The following NCKAP5 variants were observed in gnomAD, a reference collection of about 807,000 sequenced individuals.
The protein encoded by NCKAP5 is nck-associated protein 5.
In NCKAP5, 92 loss-of-function variants were observed where a neutral mutation model predicts 167.0. The observed-to-expected ratio is 0.55, with a 90% CI of 0.47 to 0.66. NCKAP5 has a LOEUF of 0.66. Ranked by LOEUF, NCKAP5 falls within the 30% of genes least tolerant of loss-of-function variation. The pLI is 0.00. For synonymous variants in NCKAP5, 891 were observed against 877.4 expected (o/e 1.02, Z -0.27); for missense variants, 2,378 against 2,315.0 (o/e 1.03, Z -0.56).
chr2:133,142,584 T>C (rs113735819), intron 5 of NCKAP5, among the ~76,000 whole-genome samples: 3,028 of 152,258 alleles, frequency 0.02, 39 homozygotes, highest in Non-Finnish European at 0.029. Context: ...CTGGAAGGCT[T>C]TGTCAGACTT....
chr2:133,019,290 A>G (rs1427414819), intron 6 of NCKAP5, among the ~76,000 whole-genome samples: 12 of 152,156 alleles, frequency 7.9e-5, no homozygotes, highest in Non-Finnish European at 1.5e-5. Context: ...AGTTTATCAG[A>G]TTTTTCTTAA....
chr2:133,199,797 A>C (rs1299762300), intron 5 of NCKAP5, among the ~76,000 whole-genome samples: 1 of 152,036 alleles, frequency 6.6e-6, no homozygotes, highest in Non-Finnish European at 1.5e-5. Flanking sequence ...CATACCAGCC[A>C]AAAATTGGAA....
intron 3 of NCKAP5, among the ~76,000 whole-genome samples, chr2:133,371,917 C>T (rs979072253): frequency 1.1e-4 from 16 of 152,232 alleles, no homozygotes; most frequent in African/African-American, 3.9e-4. Context: ...TGTATGACTT[C>T]AACAAATGCC....
intron 19 of NCKAP5, among the ~76,000 whole-genome samples, chr2:132,700,290 T>G (rs1687756224): frequency 6.6e-6 from 1 of 152,232 alleles, no homozygotes; most frequent in African/African-American, 2.4e-5. Context: ...TTCACTCTGA[T>G]GGTAGTTTCT....
At chr2:132,767,363 C>T (rs1203025959) in intron 16 of NCKAP5, among the ~76,000 whole-genome samples, 1 of 152,190 alleles carries the variant, frequency 6.6e-6, no homozygotes, top group East Asian at 1.9e-4. Flanking sequence ...TCTCCTGCCT[C>T]AGCTTCCAGA....
intron 3 of NCKAP5, among the ~76,000 whole-genome samples, chr2:133,390,713 G>A (rs556776822): frequency 4.0e-4 from 61 of 152,164 alleles, no homozygotes; most frequent in Admixed American, 1.9e-3. Flanking sequence ...AAAAATAGAC[G>A]CCTATGTAGA....
chr2:133,276,063 C>G (rs570711674), intron 4 of NCKAP5, among the ~76,000 whole-genome samples: 2 of 151,980 alleles, frequency 1.3e-5, no homozygotes, highest in Admixed American at 1.3e-4. Context: ...CCTCCTCAGC[C>G]CATTTACTGT....
At chr2:133,485,047 C>A (rs951635665) in intron 3 of NCKAP5, among the ~76,000 whole-genome samples, 1 of 152,166 alleles carries the variant, frequency 6.6e-6, no homozygotes, top group Non-Finnish European at 1.5e-5. Flanking sequence ...GTAGTATATG[C>A]CTATCATTCC....
chr2:133,478,360 T>C (rs1372675558), intron 3 of NCKAP5, among the ~76,000 whole-genome samples: 3 of 152,344 alleles, frequency 2.0e-5, no homozygotes, highest in African/African-American at 7.2e-5. Flanking sequence ...CAATGATCTT[T>C]GTTTTCTTTG....
intron 16 of NCKAP5, among the ~76,000 whole-genome samples, chr2:132,772,836 C>T (rs894512236): frequency 2.6e-5 from 4 of 152,212 alleles, no homozygotes; most frequent in Admixed American, 2.0e-4. Flanking sequence ...TGCACAAGAC[C>T]GCTGAGTATG....
intron 3 of NCKAP5, among the ~76,000 whole-genome samples, chr2:133,512,184 G>A (rs1048467984): frequency 1.3e-5 from 2 of 152,108 alleles, no homozygotes; most frequent in East Asian, 3.8e-4. Flanking sequence ...AAAAGTATCC[G>A]CAAGGCTGAA....
the NCKAP5 span, among the ~76,000 whole-genome samples, chr2:133,598,343 G>A: frequency 6.6e-6 from 1 of 152,134 alleles, no homozygotes; most frequent in Non-Finnish European, 1.5e-5. Context: ...AAGATCCTGG[G>A]GAAAACTCAA....
At chr2:133,639,322 C>T in the NCKAP5 span, among the ~76,000 whole-genome samples, 2 of 152,108 alleles carry the variant, frequency 1.3e-5, no homozygotes, top group South Asian at 4.2e-4. Context: ...TAGGTATAGG[C>T]CCTTAAAAAC....
intron 3 of NCKAP5, among the ~76,000 whole-genome samples, chr2:133,444,073 T>C (rs1293765271): frequency 2.0e-5 from 3 of 152,194 alleles, no homozygotes; most frequent in African/African-American, 4.8e-5. Context: ...GTTTGCTGTA[T>C]TGTCTAAAAT....
chr2:133,151,630 T>C (rs1285709629), intron 5 of NCKAP5, among the ~76,000 whole-genome samples: 1 of 152,190 alleles, frequency 6.6e-6, no homozygotes, highest in African/African-American at 2.4e-5. Flanking sequence ...CAAATGCTGA[T>C]GAGGACCTGG....
chr2:132,894,470 A>C (rs748692790), intron 8 of NCKAP5, among the ~76,000 whole-genome samples: 1 of 152,158 alleles, frequency 6.6e-6, no homozygotes, highest in South Asian at 2.1e-4. Flanking sequence ...AGGGAAGAAA[A>C]AATTGCAGTG....
intron 5 of NCKAP5, among the ~76,000 whole-genome samples, chr2:133,151,695 T>C (rs1391958380): frequency 6.6e-6 from 1 of 152,180 alleles, no homozygotes; most frequent in Non-Finnish European, 1.5e-5. Context: ...TACAGCTAGA[T>C]TAGAAAACAA....
rs1688516718 is a variant in NCKAP5, at chr2:133,407,572, G to T, written c.70-104462C>A. On this transcript the variant is annotated intron_variant, in intron 3 of 19. Transcript: ENST00000409261. ...CGCTGTGCCGGCCACTTAACACGCTGAGCCCAGGGCCTATTGAGAAGAGTC... is the reference window on the plus strand; with the variant it reads ...CGCTGTGCCGGCCACTTAACACGCTTAGCCCAGGGCCTATTGAGAAGAGTC... Among the ~76,000 whole-genome samples, 5 of 152,302 alleles carry T rather than the reference G, an allele frequency of 3.3e-5. No homozygotes were observed. The South Asian group carries it at 1.0e-3, about 32-fold the overall frequency.
At chr2:132,736,182 C>CATGCCAAGTT (rs986841137) in intron 16 of NCKAP5, among the ~76,000 whole-genome samples, 1 of 152,164 alleles carries the variant, frequency 6.6e-6, no homozygotes, top group Non-Finnish European at 1.5e-5. Context: ...GGCTCAGACA[C>CATGCCAAGTT]ATGCCAAGTT....
Sources: gnomAD v4.1 joint callset for allele counts (sites outside exome capture counted in the v4.1 genomes callset) on GRCh38, gnomAD v4.1.1 for gene constraint, MANE v1.5 for transcripts, NCBI Gene and HGNC (gene_info 2026-07-23, HGNC 2026-07-21) for gene names.